The following CMSS1 variants were observed in gnomAD, a reference collection of about 807,000 sequenced individuals.
CMSS1 encodes cms1 ribosomal small subunit homolog, also known as protein CMSS1.
Under a neutral mutation model 43.5 loss-of-function variants are expected in CMSS1, and 33 were observed. That is an observed-to-expected ratio of 0.76 (90% CI 0.57 to 1.01). CMSS1 has a LOEUF of 1.01. Among genes scored for constraint, CMSS1 ranks in the 50% least tolerant of loss-of-function variants. The pLI is 0.00. For missense variants in CMSS1, 313 were observed against 326.4 expected, an observed-to-expected ratio of 0.96 and a Z score of 0.32; for synonymous variants, 115 against 117.2, an observed-to-expected ratio of 0.98 and a Z score of 0.12.
chr3:99,864,973 A>G (rs1314523044), intron 1 of CMSS1, among the ~76,000 whole-genome samples: 1 of 152,120 alleles, frequency 6.6e-6, no homozygotes, highest in Non-Finnish European at 1.5e-5. Flanking sequence ...TTAATACTAT[A>G]TTTCTGGTAG....
chr3:99,855,904 C>A (rs2107541345), intron 1 of CMSS1, among the ~76,000 whole-genome samples: 1 of 152,294 alleles, frequency 6.6e-6, no homozygotes, highest in East Asian at 1.9e-4. Flanking sequence ...AATCGGACAG[C>A]CAAACCAGTC....
intron 1 of CMSS1, chr3:99,925,820 A>T: frequency 8.1e-6 from 8 of 984,908 alleles, no homozygotes; most frequent in Non-Finnish European, 9.6e-6. Context: ...GGCCAAAAGC[A>T]TCACAGTCAG....
chr3:100,026,591 A>C (rs1253608674), intron 1 of CMSS1, among the ~76,000 whole-genome samples: 1 of 152,140 alleles, frequency 6.6e-6, no homozygotes, highest in African/African-American at 2.4e-5. Context: ...CTTTTCTTCT[A>C]CTTGTTCAAA....
intron 1 of CMSS1, chr3:99,930,937 A>G (rs1443995669): frequency 6.2e-7 from 1 of 1,613,490 alleles, no homozygotes; most frequent in Non-Finnish European, 8.5e-7. Context: ...TCATGTTTTT[A>G]GGCCCTTGGA....
intron 1 of CMSS1, chr3:99,848,389 A>G: frequency 1.2e-6 from 2 of 1,614,080 alleles, no homozygotes; most frequent in Non-Finnish European, 1.7e-6. Flanking sequence ...TGCCCCGTTA[A>G]TTAAGCCTTG....
chr3:100,023,793 A>G (rs2064869640), intron 1 of CMSS1, among the ~76,000 whole-genome samples: 1 of 152,150 alleles, frequency 6.6e-6, no homozygotes, highest in Non-Finnish European at 1.5e-5. Context: ...TGCATGTCTT[A>G]CTCTCAGGAA....
intron 1 of CMSS1, among the ~76,000 whole-genome samples, chr3:99,974,258 G>T: frequency 6.6e-6 from 1 of 152,208 alleles, no homozygotes; most frequent in East Asian, 1.9e-4. Context: ...AGTATATACA[G>T]TTCGTGCTTT....
At chr3:100,078,736 C>G (rs938559682) in intron 1 of CMSS1, among the ~76,000 whole-genome samples, 1 of 151,986 alleles carries the variant, frequency 6.6e-6, no homozygotes, top group Non-Finnish European at 1.5e-5. Context: ...ACTAAAAATA[C>G]AAAAATTAGC....
intron 1 of CMSS1, among the ~76,000 whole-genome samples, chr3:99,986,835 C>G (rs1196732637): frequency 1.3e-5 from 2 of 152,100 alleles, no homozygotes; most frequent in African/African-American, 2.4e-5. Context: ...GAGGACAACC[C>G]TCCACAGCAA....
chr3:99,978,397 T>C (rs1012530183), intron 1 of CMSS1, among the ~76,000 whole-genome samples: 1 of 152,124 alleles, frequency 6.6e-6, no homozygotes, highest in African/African-American at 2.4e-5. Flanking sequence ...TGTTCATCAA[T>C]AGATGAATGG....
intron 1 of CMSS1, among the ~76,000 whole-genome samples, chr3:99,919,916 A>T (rs1177520865): frequency 6.6e-6 from 1 of 152,224 alleles, no homozygotes; most frequent in African/African-American, 2.4e-5. Context: ...AGGCCTCTGC[A>T]CCACTGTTCT....
chr3:100,106,219 A>C, intron 1 of CMSS1, among the ~76,000 whole-genome samples: 1 of 152,280 alleles, frequency 6.6e-6, no homozygotes. Flanking sequence ...TACAGCCAGG[A>C]TACCATTATG....
intron 1 of CMSS1, among the ~76,000 whole-genome samples, chr3:99,942,878 A>G (rs997143725): frequency 6.6e-6 from 1 of 152,078 alleles, no homozygotes; most frequent in Non-Finnish European, 1.5e-5. Flanking sequence ...AGAAAAAAAG[A>G]GAGTGCCATG....
At position 100,030,415 on chromosome 3, in the gene CMSS1, A is replaced by G. The variant is rs533200234; in HGVS notation, c.65-116558A>G. 2.4e-4 allele frequency among the ~76,000 whole-genome samples: 37 copies of G among 152,240 alleles called. No individual in the cohort carries two copies. In the South Asian group the frequency reaches 4.1e-3, roughly 17 times the overall value. ...AAGAGCTTTTCCAACTCTAATTGTA[A>G]TGAGTATTGATAATTTTCATCATAT... On this transcript the variant is annotated intron_variant, in intron 1 of 9. Transcript: ENST00000421999.
intron 1 of CMSS1, among the ~76,000 whole-genome samples, chr3:99,936,982 G>A (rs1198316860): frequency 6.6e-6 from 1 of 152,036 alleles, no homozygotes; most frequent in Non-Finnish European, 1.5e-5. Context: ...TTGTTACTCA[G>A]GCTGGAGTGC....
At chr3:99,845,999 C>T (rs1192304311) in intron 1 of CMSS1, among the ~76,000 whole-genome samples, 1 of 152,140 alleles carries the variant, frequency 6.6e-6, no homozygotes, top group Non-Finnish European at 1.5e-5. Flanking sequence ...CATAATAGAA[C>T]ACAAGACTTA....
intron 1 of CMSS1, among the ~76,000 whole-genome samples, chr3:99,847,738 A>G (rs1046254882): frequency 6.6e-6 from 1 of 152,190 alleles, no homozygotes; most frequent in African/African-American, 2.4e-5. Context: ...AATCAAAGAG[A>G]TGTAATTTTT....
intron 1 of CMSS1, among the ~76,000 whole-genome samples, chr3:100,042,517 TGTA>T (rs2065221943): frequency 6.6e-6 from 1 of 152,234 alleles, no homozygotes; most frequent in African/African-American, 2.4e-5. Flanking sequence ...ATCAGGCTCT[TGTA>T]TTATTTTATT....
chr3:100,010,678 G>A (rs899223220), intron 1 of CMSS1, among the ~76,000 whole-genome samples: 4 of 149,206 alleles, frequency 2.7e-5, no homozygotes, highest in Admixed American at 2.0e-4. Flanking sequence ...GCAGTGGCTC[G>A]ATCTCTGCCC....
Sources: allele counts gnomAD v4.1 joint callset (sites outside exome capture counted in the v4.1 genomes callset), GRCh38; gene constraint gnomAD v4.1.1; transcripts MANE v1.5; gene names NCBI Gene and HGNC (gene_info 2026-07-23, HGNC 2026-07-21).